Variants in NSMCE2 observed in about 807,000 individuals in gnomAD.
NSMCE2 encodes the protein NSE2 SUMO ligase component of SMC5/6 complex.
NSMCE2 carries 24 observed loss-of-function variants against 23.8 expected under a neutral mutation model. That is an observed-to-expected ratio of 1.01 (90% CI 0.73 to 1.42). The LOEUF (loss-of-function observed/expected upper bound fraction) is 1.42. NSMCE2 is among the 40% of genes most tolerant of loss of function. The pLI is 0.00. For missense variants in NSMCE2, 284 were observed against 296.5 expected, an observed-to-expected ratio of 0.96 and a Z score of 0.31; for synonymous variants, 92 against 94.1, an observed-to-expected ratio of 0.98 and a Z score of 0.13.
At chr8:125,195,034 A>T (rs1823550823) in intron 5 of NSMCE2, among the ~76,000 whole-genome samples, 1 of 152,136 alleles carries the variant, frequency 6.6e-6, no homozygotes, top group African/African-American at 2.4e-5. Context: ...CTAGAAACTT[A>T]TTAAAAATAT....
At chr8:125,311,610 A>G (rs1828975501) in intron 5 of NSMCE2, among the ~76,000 whole-genome samples, 1 of 152,214 alleles carries the variant, frequency 6.6e-6, no homozygotes. Context: ...TCCGATGACT[A>G]GCATTTAAAG....
rs1304722298 is a variant in NSMCE2 at position 125,186,995 on chromosome 8, G to A, written c.418+4739G>A. Among the ~76,000 whole-genome samples the A allele has an allele frequency of 2.0e-5, 3 of 152,160 alleles. No homozygotes were observed. The East Asian group carries it at 5.8e-4, about 29-fold the overall frequency. On this transcript the variant is annotated intron_variant, in intron 5 of 7. Coordinates refer to ENST00000287437, the MANE Select transcript of NSMCE2 (RefSeq NM_173685.4). ...TTATCCTTTAGATACCCAGTGTCCT[G>A]TATGTTAGAAATAATTAGGTCTGCC...
chr8:125,192,722 A>G (rs1417984355), intron 5 of NSMCE2, among the ~76,000 whole-genome samples: 2 of 152,212 alleles, frequency 1.3e-5, no homozygotes, highest in African/African-American at 2.4e-5. Context: ...AATAATGGAA[A>G]TCGAAAGACC....
intron 5 of NSMCE2, among the ~76,000 whole-genome samples, chr8:125,255,891 A>G (rs1477778876): frequency 1.3e-5 from 2 of 152,168 alleles, no homozygotes; most frequent in Non-Finnish European, 2.9e-5. Flanking sequence ...TCAGGCAAGG[A>G]CAATGAGGCC....
intron 5 of NSMCE2, among the ~76,000 whole-genome samples, chr8:125,226,849 C>T (rs1285898832): frequency 6.6e-6 from 1 of 152,090 alleles, no homozygotes; most frequent in East Asian, 1.9e-4. Flanking sequence ...TCTGCTTTCT[C>T]CCTTAGTTTC....
intron 5 of NSMCE2, among the ~76,000 whole-genome samples, chr8:125,310,527 A>G (rs934761552): frequency 6.6e-6 from 1 of 152,120 alleles, no homozygotes; most frequent in African/African-American, 2.4e-5. Flanking sequence ...CAAAATAAAG[A>G]CCAATATCAT....
rs947468639 is a variant in NSMCE2 at position 125,307,288 on chromosome 8, T to G, written c.419-49931T>G. On this transcript the variant is annotated intron_variant, in intron 5 of 7. Transcript: ENST00000287437. ...ATGTTTAGAAATCTTCCAGGAGCAGTCTGGGAAGATAGCTGAAAGCATGGT... is the reference window on the plus strand; with the variant it reads ...ATGTTTAGAAATCTTCCAGGAGCAGGCTGGGAAGATAGCTGAAAGCATGGT... 5.9e-5 allele frequency among the ~76,000 whole-genome samples: 9 copies of G among 152,326 alleles called. No individual in the cohort carries two copies. In the East Asian group the frequency reaches 1.7e-3, roughly 29 times the overall value.
At chr8:125,235,887 T>C (rs566090464) in intron 5 of NSMCE2, among the ~76,000 whole-genome samples, 251 of 152,294 alleles carry the variant, frequency 1.6e-3, no homozygotes, top group Non-Finnish European at 2.7e-3. Context: ...TGCCTTCTAA[T>C]CCCTAAGGAG....
intron 5 of NSMCE2, among the ~76,000 whole-genome samples, chr8:125,220,636 A>G (rs530563817): frequency 3.3e-5 from 5 of 150,122 alleles, no homozygotes; most frequent in Non-Finnish European, 5.9e-5. Flanking sequence ...AGTTAACATC[A>G]TTATTTAAAA....
intron 3 of NSMCE2, among the ~76,000 whole-genome samples, chr8:125,131,426 C>G (rs1342474847): frequency 1.3e-5 from 2 of 152,084 alleles, no homozygotes; most frequent in Non-Finnish European, 2.9e-5. Flanking sequence ...TCATATATAA[C>G]AAAACTTCAG....
intron 5 of NSMCE2, among the ~76,000 whole-genome samples, chr8:125,286,635 A>G (rs1407261004): frequency 6.6e-6 from 1 of 152,138 alleles, no homozygotes; most frequent in Non-Finnish European, 1.5e-5. Context: ...TTTATGTGCC[A>G]TCATACACAT....
intron 5 of NSMCE2, among the ~76,000 whole-genome samples, chr8:125,230,083 C>G (rs1338265124): frequency 1.3e-5 from 2 of 152,072 alleles, no homozygotes; most frequent in Non-Finnish European, 2.9e-5. Flanking sequence ...GCATATAACA[C>G]AAATATCTTT....
At chr8:125,116,612 G>T (rs1252787793) in intron 3 of NSMCE2, among the ~76,000 whole-genome samples, 2 of 152,084 alleles carry the variant, frequency 1.3e-5, no homozygotes, top group Non-Finnish European at 2.9e-5. Flanking sequence ...GAGTGTCTGT[G>T]TTTTGAAAGG....
intron 3 of NSMCE2, among the ~76,000 whole-genome samples, chr8:125,136,497 C>T (rs911337821): frequency 3.3e-5 from 5 of 152,130 alleles, no homozygotes; most frequent in African/African-American, 1.2e-4. Context: ...TGTTTGGTTG[C>T]AGAGACTAGG....
At chr8:125,250,054 A>G (rs1047938082) in intron 5 of NSMCE2, among the ~76,000 whole-genome samples, 7 of 152,192 alleles carry the variant, frequency 4.6e-5, no homozygotes, top group African/African-American at 1.7e-4. Context: ...CAATGGCGCA[A>G]TCTCGGCTCA....
intron 5 of NSMCE2, among the ~76,000 whole-genome samples, chr8:125,318,241 T>C (rs868648795): frequency 3.3e-5 from 5 of 152,058 alleles, no homozygotes; most frequent in South Asian, 2.1e-4. Flanking sequence ...AAACCCCATA[T>C]CTACAAAAAA....
intron 3 of NSMCE2, among the ~76,000 whole-genome samples, chr8:125,133,181 G>C (rs1819861562): frequency 6.6e-6 from 1 of 152,162 alleles, no homozygotes; most frequent in African/African-American, 2.4e-5. Flanking sequence ...ATAATTTGTA[G>C]CTGAAATTAG....
At chr8:125,306,341 C>T (rs1828762283) in intron 5 of NSMCE2, among the ~76,000 whole-genome samples, 1 of 150,468 alleles carries the variant, frequency 6.6e-6, no homozygotes, top group South Asian at 2.1e-4. Flanking sequence ...AAAACAAAAA[C>T]ATAAAGCTTA....
chr8:125,232,125 G>T (rs1426781896), intron 5 of NSMCE2, among the ~76,000 whole-genome samples: 2 of 152,178 alleles, frequency 1.3e-5, no homozygotes, highest in African/African-American at 4.8e-5. Flanking sequence ...ACTTTGGGAG[G>T]CTGAGGCCGG....
Sources: gnomAD v4.1 joint callset for allele counts (sites outside exome capture counted in the v4.1 genomes callset) on GRCh38, gnomAD v4.1.1 for gene constraint, MANE v1.5 for transcripts, NCBI Gene and HGNC (gene_info 2026-07-23, HGNC 2026-07-21) for gene names.